Variants in SLC10A5 observed in about 807,000 individuals in gnomAD.
SLC10A5 encodes the protein solute carrier family 10 member 5, also known as sodium/bile acid cotransporter 5.
For missense variants in SLC10A5, 475 were observed against 500.7 expected (o/e 0.95, Z 0.49); for synonymous variants, 181 against 183.7 (o/e 0.99, Z 0.12).
Position 81,694,205 on chromosome 8 carries a change from T to C in SLC10A5, c.768A>G (p.Ile256Met), listed in dbSNP as rs1477025068. ...CTGACAACCCTAATATCCTACTGTA[T>C]ATATAAGAATTGACAGGCATCATGA... is the stretch of plus-strand genomic sequence containing the variant. ...ALIMMPVNSY[I>M]YSRILGLSGT... The change falls in exon 1 of 1, where the codon ATA becomes ATG. Residue 256 changes from isoleucine to methionine, a missense_variant. Physicochemically the swap from Ile to Met is conservative, Grantham distance 10. Transcript: ENST00000518568. 6.2e-7 allele frequency: 1 copy of C among 1,614,130 alleles called. No individual in the cohort carries two copies. The highest frequency in any genetic ancestry group is 1.3e-5 in the African/African-American group (1 of 75,022).
At position 81,694,157 on chromosome 8, in the gene SLC10A5, A is replaced by C. The variant is rs1807689402; in HGVS notation, c.816T>G (p.Ser272=). 1 of 1,614,144 alleles carries C rather than the reference A, an allele frequency of 6.2e-7. No individual in the cohort carries two copies. Residue 272 remains serine (S), a synonymous_variant, in exon 1 of 1, where the codon TCT becomes TCG. Coordinates refer to ENST00000518568, the MANE Select transcript of SLC10A5 (RefSeq NM_001010893.3). ...TGAAAAGGAGTGTTGACACAATTTT[A>C]GAAACAGGAATATGGAATGTACCTG... ...GLSGTFHIPV[S]KIVSTLLFIL...
At position 81,693,782 on chromosome 8, in the gene SLC10A5, A is replaced by G; in HGVS notation, c.1191T>C (p.Ser397=). 6.2e-7 allele frequency: 1 copy of G among 1,614,178 alleles called. No individual in the cohort carries two copies. The highest frequency in any genetic ancestry group is 1.7e-5 in the Admixed American group (1 of 60,026). ...ACATGGCTACTGTAAAAGGAGCCAC[A>G]GAAGCTAAATTGGCCTTGGACTGTG... The part of the protein sequence containing the change: ...SFPQSKANLA[S]VAPFTVAMCS... Residue 397 remains serine (S), a synonymous_variant, in exon 1 of 1, where the codon TCT becomes TCC. Coordinates refer to ENST00000518568, the MANE Select transcript of SLC10A5 (RefSeq NM_001010893.3).
In SLC10A5 at chr8:81,694,121, T is replaced by C. The variant is rs202190388; in HGVS notation, c.852A>G (p.Pro284=). The C allele has an allele frequency of 4.3e-6, 7 of 1,614,180 alleles. No homozygotes were observed. In the East Asian group the frequency reaches 8.9e-5, roughly 21 times the overall value. Residue 284 remains proline (P), a synonymous_variant, in exon 1 of 1, where the codon CCA becomes CCG. Transcript: ENST00000518568. ...IVSTLLFILV[P]VSIGIVIKHR... is the part of the protein sequence containing the mutation. ...GCTTGATGACTATTCCAATTGATAC[T>C]GGCACAAGTATGAAAAGGAGTGTTG...
In SLC10A5 at chr8:81,694,997, A is replaced by G; in HGVS notation, c.-25T>C. On this transcript the variant is annotated 5_prime_UTR_variant, in exon 1 of 1. Transcript: ENST00000518568. Reference sequence around the variant, plus strand: ...TTTTGAAAGCTGAAATAAATCATATATGCAAAATCGTTTTTAAAAAATGAA... The same window carrying G: ...TTTTGAAAGCTGAAATAAATCATATGTGCAAAATCGTTTTTAAAAAATGAA... 2 of 1,500,008 alleles carry G rather than the reference A, an allele frequency of 1.3e-6. No homozygotes were observed. The highest frequency in any genetic ancestry group is 1.8e-6 in the Non-Finnish European group (2 of 1,124,232). The allele number at this position is 1,500,008 out of a possible 1,614,324, so 92.9% of individuals were successfully genotyped here.
Position 81,693,854 on chromosome 8 carries a change from C to A in SLC10A5, c.1119G>T (p.Gly373=), listed in dbSNP as rs1231810281. The A allele has an allele frequency of 2.5e-6, 4 of 1,613,616 alleles. No homozygotes were observed. Among genetic ancestry groups the A allele is most frequent in the African/African-American group, 1.3e-5 (1 of 74,870 alleles). ...PVCKTVAIES[G]MLNSFLALAV... The stretch of plus-strand genomic sequence containing the variant: ...CAAGAGCTAAGAAACTATTTAACAT[C>A]CCACTTTCAATAGCAACAGTTTTAC... The change falls in exon 1 of 1, where the codon GGG becomes GGT. Residue 373 remains glycine, a synonymous_variant. Coordinates refer to ENST00000518568, the MANE Select transcript of SLC10A5 (RefSeq NM_001010893.3).
rs148187932 is a variant in SLC10A5, at chr8:81,694,361, C to G, written c.612G>C (p.Ala204=). ...AGGTCATTACAACTCCAAAAGCTTGCGCCTCAGGCAATGCCACAATCTGAG... is the reference window on the plus strand; with the variant it reads ...AGGTCATTACAACTCCAAAAGCTTGGGCCTCAGGCAATGCCACAATCTGAG... ...LLSQIVALPE[A]QAFGVVMTCT... is the part of the protein sequence containing the mutation. Residue 204 remains alanine, a synonymous_variant, in exon 1 of 1, where the codon GCG becomes GCC. Transcript: ENST00000518568. The G allele has an allele frequency of 3.8e-4, 610 of 1,613,740 alleles. 6 individuals carry two copies. Among genetic ancestry groups the G allele is most frequent in the Middle Eastern group, 3.6e-3 (22 of 6,056 alleles).
rs761549084 is a variant in SLC10A5 at position 81,694,904 on chromosome 8, C to A, written c.69G>T (p.Ser23=). The A allele has an allele frequency of 6.2e-7, 1 of 1,604,464 alleles. No homozygotes were observed. Among genetic ancestry groups the A allele is most frequent in the Non-Finnish European group, 8.5e-7 (1 of 1,177,960 alleles). ...TCTTCTCTATATTCAGAAAACTGAG[C>A]GATGACATCCTTGCTTCTTCTATAG... ...LVTIEEARMS[S]LSFLNIEKTE... is the part of the protein sequence containing the mutation. Residue 23 remains serine (S), a synonymous_variant, in exon 1 of 1, where the codon TCG becomes TCT. Coordinates refer to ENST00000518568, the MANE Select transcript of SLC10A5 (RefSeq NM_001010893.3).
Position 81,693,946 on chromosome 8 carries a change from C to T in SLC10A5, c.1027G>A (p.Val343Ile), listed in dbSNP as rs762779623. ...CCAAACAGCAAACCCAAAGCAGGAA[C>T]TAAGAGACCCAACAGAATCACCTCT... ...NLEVILLGLL[V>I]PALGLLFGYS... is the part of the protein sequence containing the mutation. The change falls in exon 1 of 1, where the codon GTT (valine) becomes ATT (isoleucine). Residue 343 changes from valine to isoleucine, a missense_variant. Transcript: ENST00000518568. 2 of 1,614,060 alleles carry T rather than the reference C, an allele frequency of 1.2e-6. No individual in the cohort carries two copies. The highest frequency in any genetic ancestry group is 2.2e-5 in the South Asian group (2 of 91,080).
In SLC10A5 at chr8:81,694,787, C is replaced by T. The variant is rs1807702855; in HGVS notation, c.186G>A (p.Val62=). The T allele has an allele frequency of 1.2e-6, 2 of 1,613,714 alleles. 1 individual carries two copies. Among genetic ancestry groups the T allele is most frequent in the Admixed American group, 3.3e-5 (2 of 59,928 alleles). The change falls in exon 1 of 1, where the codon GTG becomes GTA. Residue 62 remains valine, a synonymous_variant. Coordinates refer to ENST00000518568, the MANE Select transcript of SLC10A5 (RefSeq NM_001010893.3). ...NKRPNSSHLF[V]KIEDPKILQM... Reference sequence around the variant, plus strand: ...GTAGTATTTTAGGATCTTCTATTTTCACAAAGAGGTGGCTGGAATTAGGCC... The same window carrying T: ...GTAGTATTTTAGGATCTTCTATTTTTACAAAGAGGTGGCTGGAATTAGGCC...
chr8:81,694,388 CA>C lies in SLC10A5; in HGVS notation c.584del (p.Leu195CysfsTer16). On this transcript the variant is annotated frameshift_variant, in exon 1 of 1. Coordinates refer to ENST00000518568, the MANE Select transcript of SLC10A5 (RefSeq NM_001010893.3). LOFTEE classifies it low-confidence loss of function (END_TRUNC). ...CCTCAGGCAATGCCACAATCTGAGA[CA>C]AAAGAAACCCGCAAAATGGCATCAG... ...FFLMPFCGFL[L>X]SQIVALPEAQ... 1 of 1,613,694 alleles carries C rather than the reference CA, an allele frequency of 6.2e-7. No individual in the cohort carries two copies. Among genetic ancestry groups the C allele is most frequent in the Non-Finnish European group, 8.5e-7 (1 of 1,179,994 alleles).
At position 81,693,896 on chromosome 8, in the gene SLC10A5, C is replaced by A. The variant is rs143046260; in HGVS notation, c.1077G>T (p.Thr359=). Residue 359 remains threonine (T), a synonymous_variant, in exon 1 of 1, where the codon ACG becomes ACT. Coordinates refer to ENST00000518568, the MANE Select transcript of SLC10A5 (RefSeq NM_001010893.3). ...CAGTTTTACAAACAGGAAGAGGCAG[C>A]GTACAAACTTTAGCAAAGGAGTACC... The part of the protein sequence containing the change: ...LFGYSFAKVC[T]LPLPVCKTVA... 19 of 1,613,878 alleles carry A rather than the reference C, an allele frequency of 1.2e-5. No individual in the cohort carries two copies. The highest frequency in any genetic ancestry group is 1.5e-5 in the Non-Finnish European group (18 of 1,179,976).
chr8:81,693,766 C>T lies in SLC10A5; in HGVS notation c.1207G>A (p.Val403Ile). The change falls in exon 1 of 1, where the codon GTA (valine) becomes ATA (isoleucine). Residue 403 changes from valine to isoleucine, a missense_variant. By Grantham distance (29) the Val-to-Ile change is conservative. Coordinates refer to ENST00000518568, the MANE Select transcript of SLC10A5 (RefSeq NM_001010893.3). ...ANLASVAPFT[V>I]AMCSGCEMLL... ...ATTTCACATCCAGAACACATGGCTA[C>T]TGTAAAAGGAGCCACAGAAGCTAAA... 1.2e-6 allele frequency: 2 copies of T among 1,614,088 alleles called. No homozygotes were observed. Among genetic ancestry groups the T allele is most frequent in the Non-Finnish European group, 1.7e-6 (2 of 1,180,010 alleles).
chr8:81,694,507 A>G lies in SLC10A5; in HGVS notation c.466T>C (p.Cys156Arg), dbSNP rs1244436771. ...AATTCAATCTTACAACCAAATGCAC[A>G]CTTATTCAATAGTATTAGTGGTAAA... ...LILPLILLNK[C>R]AFGCKIELQL... Residue 156 changes from cysteine (C) to arginine (R), a missense_variant, in exon 1 of 1, where the codon TGT becomes CGT. By Grantham distance (180) the Cys-to-Arg change is radical. Transcript: ENST00000518568. The G allele has an allele frequency of 1.8e-5, 29 of 1,614,094 alleles. No individual in the cohort carries two copies. The highest frequency in any genetic ancestry group is 2.2e-5 in the Non-Finnish European group (26 of 1,180,054).
chr8:81,694,923 T>C lies in SLC10A5; in HGVS notation c.50A>G (p.Glu17Gly), dbSNP rs1410228141. Reference sequence around the variant, plus strand: ...ACTGAGCGATGACATCCTTGCTTCTTCTATAGTCACAAGCAACAAAAGTAG... The same window carrying C: ...ACTGAGCGATGACATCCTTGCTTCTCCTATAGTCACAAGCAACAAAAGTAG... Reference protein sequence around the residue: ...IVLLLLLVTIEEARMSSLSFL... With the variant: ...IVLLLLLVTIGEARMSSLSFL... The change falls in exon 1 of 1, where the codon GAA becomes GGA. Residue 17 changes from glutamate to glycine, a missense_variant. Physicochemically the swap from Glu to Gly is moderately conservative, Grantham distance 98. Coordinates refer to ENST00000518568, the MANE Select transcript of SLC10A5 (RefSeq NM_001010893.3). 5.7e-6 allele frequency: 9 copies of C among 1,591,616 alleles called. No individual in the cohort carries two copies. The East Asian group carries it at 2.0e-4, about 36-fold the overall frequency.
In SLC10A5 at chr8:81,694,681, T is replaced by C. The variant is rs1471826140; in HGVS notation, c.292A>G (p.Thr98Ala). Residue 98 changes from threonine (T) to alanine (A), a missense_variant, in exon 1 of 1, where the codon ACA becomes GCA. Transcript: ENST00000518568. ...INLVTDEEGE[T>A]NVTIQLWDSE... is the part of the protein sequence containing the mutation. ...TCCCAGAGTTGAATAGTCACATTTG[T>C]TTCTCCTTCTTCATCAGTCACCAGA... 2 of 1,614,080 alleles carry C rather than the reference T, an allele frequency of 1.2e-6. No individual in the cohort carries two copies. Among genetic ancestry groups the C allele is most frequent in the Non-Finnish European group, 1.7e-6 (2 of 1,180,032 alleles).
rs1375483859 is a variant in SLC10A5, at chr8:81,693,637, T to A, written c.*19A>T. 1 of 1,542,564 alleles carries A rather than the reference T, an allele frequency of 6.5e-7. No individual in the cohort carries two copies. Among genetic ancestry groups the A allele is most frequent in the African/African-American group, 1.4e-5 (1 of 72,276 alleles). ...CACAGTGCCCTACCCAGAGTAGGAA[T>A]TCAGTAATGCTTTAATTGTTAGATT... On this transcript the variant is annotated 3_prime_UTR_variant, in exon 1 of 1. Transcript: ENST00000518568.
Position 81,694,733 on chromosome 8 carries a change from T to A in SLC10A5, c.240A>T (p.Ser80=). The change falls in exon 1 of 1, where the codon TCA becomes TCT. Residue 80 remains serine (S), a synonymous_variant. Coordinates refer to ENST00000518568, the MANE Select transcript of SLC10A5 (RefSeq NM_001010893.3). The part of the protein sequence containing the change: ...LQMVNVAKKI[S]SDATNFTINL... ...TTATGGTAAAGTTTGTAGCATCTGA[T>A]GAGATCTTCTTGGCCACATTCACCA... 1 of 1,613,458 alleles carries A rather than the reference T, an allele frequency of 6.2e-7. No homozygotes were observed. The highest frequency in any genetic ancestry group is 8.5e-7 in the Non-Finnish European group (1 of 1,179,418).
At position 81,695,035 on chromosome 8, in the gene SLC10A5, A is replaced by C. The variant is rs1807708011; in HGVS notation, c.-63T>G. ...TTTAAAAAATGAAAGAACATTCTTC[A>C]TGCAGGTGTTCCAGTGACAGTCTGA... On this transcript the variant is annotated 5_prime_UTR_variant, in exon 1 of 1. It removes an upstream start codon present in the reference 5' UTR. Transcript: ENST00000518568. The C allele has an allele frequency of 1.6e-6, 2 of 1,288,850 alleles. No individual in the cohort carries two copies. The highest frequency in any genetic ancestry group is 2.1e-6 in the Non-Finnish European group (2 of 955,520). 79.8% of individuals were successfully genotyped at this position (1,288,850 alleles called of 1,614,324 possible). A position where few individuals can be genotyped will look rare whatever the true frequency, so the allele number is the denominator to read the frequency against.
chr8:81,694,969 T>C lies in SLC10A5; in HGVS notation c.4A>G (p.Ile2Val), dbSNP rs1254788940. 4 of 1,546,512 alleles carry C rather than the reference T, an allele frequency of 2.6e-6. No individual in the cohort carries two copies. The African/African-American group carries it at 5.6e-5, about 22-fold the overall frequency. M[I>V]RKLFIVLLLL... ...AGTAGAACAATAAAAAGTTTTCTAA[T>C]CATTTTGAAAGCTGAAATAAATCAT... Residue 2 changes from isoleucine to valine, a missense_variant, in exon 1 of 1, where the codon ATT (isoleucine) becomes GTT (valine). Transcript: ENST00000518568.
Sources: allele counts gnomAD v4.1 joint callset, GRCh38; gene constraint gnomAD v4.1.1; transcripts MANE v1.5; gene names NCBI Gene and HGNC (gene_info 2026-07-23, HGNC 2026-07-21).